Variants in PIWIL2 observed in about 807,000 individuals in gnomAD.
PIWIL2 encodes piwi-like protein 2.
Under a neutral mutation model 116.5 loss-of-function variants are expected in PIWIL2, and 81 were observed. The observed-to-expected ratio is 0.70, with a 90% CI of 0.58 to 0.84. The LOEUF is 0.84. PIWIL2 is among the 40% of genes least tolerant of loss of function. The probability of loss-of-function intolerance (pLI) is 0.00; values close to 1 mark genes in which losing one functional copy is unlikely to be tolerated. For missense variants in PIWIL2, 1,272 were observed against 1,212.3 expected (o/e 1.05, Z -0.73); for synonymous variants, 489 against 429.5 (o/e 1.14, Z -1.71).
intron 20 of PIWIL2, among the ~76,000 whole-genome samples, chr8:22,327,880 A>G (rs187084278): frequency 1.7e-4 from 26 of 152,308 alleles, no homozygotes; most frequent in African/African-American, 5.1e-4. Context: ...ATGATTTACA[A>G]ATATCTCCCC....
Position 22,297,759 on chromosome 8 carries a change from C to T in PIWIL2, c.1182-6262C>T, listed in dbSNP as rs1023666656. ...ATTACTGATAGGAACCATTTGGAGT[C>T]AGGGGGTTTCACCAAATTTTTACAG... On this transcript the variant is annotated intron_variant, in intron 10 of 22. Coordinates refer to ENST00000356766, the MANE Select transcript of PIWIL2 (RefSeq NM_018068.5). 3.3e-5 allele frequency among the ~76,000 whole-genome samples: 5 copies of T among 152,058 alleles called. 1 individual carries two copies. Among genetic ancestry groups the T allele is most frequent in the African/African-American group, 2.4e-5 (1 of 41,402 alleles).
At chr8:22,314,563 G>C in intron 17 of PIWIL2, 134 bp downstream of exon 17, 1 of 459,520 alleles carries the variant, frequency 2.2e-6, no homozygotes. Context: ...CTGGTGAAAG[G>C]TTCTCCTGAT....
rs184888176 is a variant in PIWIL2 at position 22,301,591 on chromosome 8, G to C, written c.1182-2430G>C. On this transcript the variant is annotated intron_variant, in intron 10 of 22. Transcript: ENST00000356766. ...TTACAGGCATGAGCCACCATGCCCGGCCCAGTGGTCTCTTTTAAGGAGTAG... is the reference window on the plus strand; with the variant it reads ...TTACAGGCATGAGCCACCATGCCCGCCCCAGTGGTCTCTTTTAAGGAGTAG... Among the ~76,000 whole-genome samples the C allele has an allele frequency of 1.9e-3, 292 of 152,310 alleles. 2 individuals are homozygous for C. Among genetic ancestry groups the C allele is most frequent in the African/African-American group, 6.8e-3 (284 of 41,566 alleles).
Position 22,302,211 on chromosome 8 carries a change from C to T in PIWIL2, c.1182-1810C>T, listed in dbSNP as rs540713605. 5.9e-5 allele frequency among the ~76,000 whole-genome samples: 9 copies of T among 151,856 alleles called. 1 individual carries two copies. Among genetic ancestry groups the T allele is most frequent in the African/African-American group, 1.9e-4 (8 of 41,432 alleles). ...TTTTTCTTTTTTTTTGAGATGGGGT[C>T]TCGCTCTGTCACCAGGCTAAAGTGC... On this transcript the variant is annotated intron_variant, in intron 10 of 22. Coordinates refer to ENST00000356766, the MANE Select transcript of PIWIL2 (RefSeq NM_018068.5).
intron 20 of PIWIL2, among the ~76,000 whole-genome samples, chr8:22,324,978 C>T (rs1010869797): frequency 1.3e-5 from 2 of 152,166 alleles, no homozygotes; most frequent in African/African-American, 4.8e-5. Flanking sequence ...CTTCTAGCCT[C>T]CAGAACTGTG....
chr8:22,295,065 C>G (rs1830865108), intron 10 of PIWIL2, among the ~76,000 whole-genome samples: 1 of 151,744 alleles, frequency 6.6e-6, no homozygotes, highest in Admixed American at 6.6e-5. Flanking sequence ...GGCAACAGAG[C>G]GAGACTTCGT....
intron 20 of PIWIL2, among the ~76,000 whole-genome samples, chr8:22,345,093 A>T (rs1292151847): frequency 6.6e-6 from 1 of 152,242 alleles, no homozygotes; most frequent in Admixed American, 6.5e-5. Flanking sequence ...TGGAAGAGTC[A>T]CTTGAACCCG....
chr8:22,282,927 C>A, intron 4 of PIWIL2, 107 bp from the exon 5 acceptor site: 1 of 850,262 alleles, frequency 1.2e-6, no homozygotes, highest in Non-Finnish European at 2.0e-6. Flanking sequence ...AAACTTGGAT[C>A]CCTTTTGCTG....
intron 14 of PIWIL2, among the ~76,000 whole-genome samples, chr8:22,308,420 A>C (rs949909816): frequency 4.6e-5 from 7 of 152,098 alleles, no homozygotes; most frequent in Non-Finnish European, 1.0e-4. Flanking sequence ...TGGGAGGCTG[A>C]GGCAGGTGGA....
rs577746240 is a variant in PIWIL2 at position 22,356,198 on chromosome 8, T to G, written c.*693T>G. 2 of 152,070 alleles carry G rather than the reference T, an allele frequency of 1.3e-5. No homozygotes were observed. The allele number at this position is 152,070 out of a possible 1,614,324, so 9.4% of individuals were successfully genotyped here. A position where few individuals can be genotyped will look rare whatever the true frequency, so the allele number is the denominator to read the frequency against. ...GAGATGATAATTAAGTCATTGCAAG[T>G]TGCCTGAAGAGAATTACTCAGGCAA... On this transcript the variant is annotated 3_prime_UTR_variant, in exon 23 of 23. Transcript: ENST00000356766.
In PIWIL2 at chr8:22,311,215, G is replaced by C. The variant is rs147710731; in HGVS notation, c.1904G>C (p.Arg635Pro). ...AAGATAGCCGGCCCCATTGGCATGC[G>C]TATGAGCCCACCGGCCTGGGTTGAA... ...LEKIAGPIGM[R>P]MSPPAWVELK... Residue 635 changes from arginine to proline, a missense_variant, in exon 16 of 23, where the codon CGT becomes CCT. Coordinates refer to ENST00000356766, the MANE Select transcript of PIWIL2 (RefSeq NM_018068.5). The C allele has an allele frequency of 1.2e-6, 2 of 1,614,008 alleles. No homozygotes were observed. The highest frequency in any genetic ancestry group is 2.7e-5 in the African/African-American group (2 of 74,910).
chr8:22,343,658 C>T (rs1832161079), intron 20 of PIWIL2, among the ~76,000 whole-genome samples: 1 of 152,156 alleles, frequency 6.6e-6, no homozygotes, highest in Admixed American at 6.5e-5. Flanking sequence ...ATATCACTTG[C>T]CCTTAGGGAA....
intron 16 of PIWIL2, among the ~76,000 whole-genome samples, chr8:22,311,793 T>TA (rs753664648): frequency 4.6e-5 from 7 of 152,172 alleles, no homozygotes; most frequent in Non-Finnish European, 8.8e-5. Context: ...TTTCAGTTCT[T>TA]ACCTGTTTGT....
At chr8:22,281,908 A>T (rs574913055) in intron 4 of PIWIL2, among the ~76,000 whole-genome samples, 5 of 149,056 alleles carry the variant, frequency 3.4e-5, no homozygotes, top group South Asian at 4.2e-4. Flanking sequence ...GGTGTCTGGG[A>T]CTACAGGCAT....
intron 20 of PIWIL2, among the ~76,000 whole-genome samples, chr8:22,349,531 T>G (rs951301093): frequency 5.9e-5 from 9 of 151,564 alleles, no homozygotes; most frequent in Admixed American, 2.6e-4. Context: ...AATTGAGTCT[T>G]GAAGGTCACA....
chr8:22,321,787 G>C, intron 20 of PIWIL2: 1 of 800,268 alleles, frequency 1.2e-6, no homozygotes, highest in Admixed American at 6.2e-5. Flanking sequence ...AATTTGCTTT[G>C]GGGTTCTAAG....
At chr8:22,302,951 C>T (rs986929726) in intron 10 of PIWIL2, among the ~76,000 whole-genome samples, 5 of 152,194 alleles carry the variant, frequency 3.3e-5, no homozygotes, top group Non-Finnish European at 7.3e-5. Context: ...CAGAACTTTG[C>T]TTTTCTCCAT....
intron 20 of PIWIL2, among the ~76,000 whole-genome samples, chr8:22,323,735 C>G (rs1831661104): frequency 6.6e-6 from 1 of 152,172 alleles, no homozygotes; most frequent in African/African-American, 2.4e-5. Context: ...TGGCACATTA[C>G]TAGAGTCCTA....
At chr8:22,301,481 A>G (rs1380415621) in intron 10 of PIWIL2, among the ~76,000 whole-genome samples, 2 of 151,930 alleles carry the variant, frequency 1.3e-5, no homozygotes, top group South Asian at 2.1e-4. Context: ...TTTAGTAGAG[A>G]TGGGGTTTCA....
Sources: gnomAD v4.1 joint callset for allele counts (sites outside exome capture counted in the v4.1 genomes callset) on GRCh38, gnomAD v4.1.1 for gene constraint, MANE v1.5 for transcripts, NCBI Gene and HGNC (gene_info 2026-07-23, HGNC 2026-07-21) for gene names.